Variants in EDN1 observed in about 807,000 individuals in gnomAD.
EDN1 encodes endothelin 1.
A neutral mutation model predicts 21.7 loss-of-function variants in EDN1; 11 were observed. The observed-to-expected ratio is 0.51, with a 90% CI of 0.32 to 0.84. EDN1 has a LOEUF of 0.84. Ranked by LOEUF, EDN1 falls within the 40% of genes least tolerant of loss-of-function variation. The pLI is 0.03. For missense variants in EDN1, 244 were observed against 262.3 expected (o/e 0.93, Z 0.48); for synonymous variants, 85 against 90.6 (o/e 0.94, Z 0.35).
chr6:12,283,771 A>G, the EDN1 span, among the ~76,000 whole-genome samples: 13 of 152,222 alleles, frequency 8.5e-5, no homozygotes, highest in Admixed American at 3.3e-4. Context: ...TCATCATCAT[A>G]AGCCACCTGT....
chr6:12,285,680 C>T (rs1002196922), upstream of EDN1, among the ~76,000 whole-genome samples: 3 of 152,154 alleles, frequency 2.0e-5, no homozygotes, highest in Non-Finnish European at 4.4e-5. Flanking sequence ...CAATGATTCT[C>T]CTGCCTCAGC....
chr6:12,285,545 G>A (rs187440927), upstream of EDN1, among the ~76,000 whole-genome samples: 230 of 151,962 alleles, frequency 1.5e-3, 1 homozygote, highest in Middle Eastern at 3.5e-3. Flanking sequence ...ATGTCTGTGT[G>A]GGCATAGAAG....
At chr6:12,257,681 C>A in the EDN1 span, among the ~76,000 whole-genome samples, 1 of 152,114 alleles carries the variant, frequency 6.6e-6, no homozygotes, top group African/African-American at 2.4e-5. Flanking sequence ...TGTATTTTAA[C>A]AGAATTACCT....
At chr6:12,235,559 C>A in the EDN1 span, among the ~76,000 whole-genome samples, 1 of 152,152 alleles carries the variant, frequency 6.6e-6, no homozygotes, top group Admixed American at 6.5e-5. Context: ...CAAGACAGTG[C>A]CTGTTCATTT....
chr6:12,285,528 G>A (rs533596602), upstream of EDN1, among the ~76,000 whole-genome samples: 6 of 152,268 alleles, frequency 3.9e-5, no homozygotes, highest in Admixed American at 6.5e-5. Flanking sequence ...CCCCAAGGGT[G>A]GTGAGCATGT....
chr6:12,248,212 A>G, the EDN1 span, among the ~76,000 whole-genome samples: 1 of 152,188 alleles, frequency 6.6e-6, no homozygotes, highest in Non-Finnish European at 1.5e-5. Context: ...AGAACAATTA[A>G]TTCTAATACA....
At chr6:12,287,026 A>C (rs959937150), upstream of EDN1, among the ~76,000 whole-genome samples, 8 of 152,038 alleles carry the variant, frequency 5.3e-5, no homozygotes, top group East Asian at 1.4e-3. Context: ...CTGAAGTAGG[A>C]GTGTCACTTG....
chr6:12,273,603 A>AAT, the EDN1 span, among the ~76,000 whole-genome samples: 1 of 83,252 alleles, frequency 1.2e-5, no homozygotes, highest in African/African-American at 5.7e-5. Flanking sequence ...TGTAGGCAGG[A>AAT]CTTTTTTTTT....
chr6:12,278,616 G>C, the EDN1 span, among the ~76,000 whole-genome samples: 4 of 152,158 alleles, frequency 2.6e-5, no homozygotes, highest in African/African-American at 9.7e-5. Context: ...CTTGGGCCAG[G>C]CATGGTGGCT....
the EDN1 span, among the ~76,000 whole-genome samples, chr6:12,278,523 A>G: frequency 6.6e-6 from 1 of 152,188 alleles, no homozygotes; most frequent in South Asian, 2.1e-4. Context: ...TGAGCCATAT[A>G]TATCATTCTC....
At chr6:12,294,171 C>T (rs565865651) in intron 3 of EDN1, 75 bp downstream of exon 3, 3 of 1,613,268 alleles carry the variant, frequency 1.9e-6, no homozygotes, top group Admixed American at 3.3e-5. Flanking sequence ...TACTGCCTTC[C>T]TGTTTTAGAG....
At chr6:12,271,847 A>T in the EDN1 span, among the ~76,000 whole-genome samples, 1 of 152,224 alleles carries the variant, frequency 6.6e-6, no homozygotes, top group Non-Finnish European at 1.5e-5. Flanking sequence ...GCATAATATT[A>T]TACATGACAT....
the EDN1 span, among the ~76,000 whole-genome samples, chr6:12,245,834 G>A: frequency 2.0e-5 from 3 of 152,022 alleles, no homozygotes; most frequent in African/African-American, 7.2e-5. Context: ...GCTGTGGGTG[G>A]GGAGGGACAA....
At chr6:12,241,154 C>CTTT in the EDN1 span, among the ~76,000 whole-genome samples, 43 of 134,358 alleles carry the variant, frequency 3.2e-4, 1 homozygote, top group Non-Finnish European at 6.3e-4. Flanking sequence ...TTTTTCTTTT[C>CTTT]TTTCTTTCTT....
the EDN1 span, among the ~76,000 whole-genome samples, chr6:12,268,043 A>AT: frequency 6.6e-6 from 1 of 152,010 alleles, no homozygotes; most frequent in East Asian, 1.9e-4. Flanking sequence ...GTTTAGACCT[A>AT]TTTTTTTTAA....
chr6:12,293,230 A>C (rs1762731698), intron 2 of EDN1, among the ~76,000 whole-genome samples: 1 of 152,370 alleles, frequency 6.6e-6, no homozygotes, highest in African/African-American at 2.4e-5. Flanking sequence ...ACAAAGGAGG[A>C]CCAAAATCCA....
the EDN1 span, among the ~76,000 whole-genome samples, chr6:12,265,721 C>T: frequency 2.6e-5 from 4 of 152,260 alleles, no homozygotes; most frequent in Admixed American, 6.5e-5. Context: ...TTTTACTTTC[C>T]CTTCAAATAA....
At chr6:12,290,775 T>C in intron 1 of EDN1, 82 bp downstream of exon 1, 2 of 1,266,254 alleles carry the variant, frequency 1.6e-6, no homozygotes, top group African/African-American at 1.5e-5. Flanking sequence ...CTTGCTTCTA[T>C]TTTTCCCCGT....
At chr6:12,292,272 A>G (rs1762701649) in intron 1 of EDN1, 69 bp from the exon 2 acceptor site, 2 of 1,599,816 alleles carry the variant, frequency 1.3e-6, no homozygotes, top group Admixed American at 3.3e-5. Context: ...CTCTGACTCT[A>G]CTGTGATCCA....
Sources: allele counts gnomAD v4.1 joint callset (sites outside exome capture counted in the v4.1 genomes callset), GRCh38; gene constraint gnomAD v4.1.1; transcripts MANE v1.5; gene names NCBI Gene and HGNC (gene_info 2026-07-23, HGNC 2026-07-21).